ALKBH3: variants seen among roughly 807,000 people sequenced by gnomAD.
ALKBH3 encodes the protein alkB homolog 3, alpha-ketoglutarate dependent dioxygenase, also known as alpha-ketoglutarate-dependent dioxygenase alkB homolog 3.
A neutral mutation model predicts 43.9 loss-of-function variants in ALKBH3; 51 were observed. That is an observed-to-expected ratio of 1.16 (90% CI 0.93 to 1.47). ALKBH3 has a LOEUF of 1.47. Among genes scored for constraint, ALKBH3 ranks in the 40% most tolerant of loss-of-function variants. ALKBH3 has a pLI of 0.00. For missense variants in ALKBH3, 361 were observed against 351.9 expected, an observed-to-expected ratio of 1.03 and a Z score of -0.21; for synonymous variants, 102 against 115.2, an observed-to-expected ratio of 0.89 and a Z score of 0.73.
intron 7 of ALKBH3, 125 bp downstream of exon 7, chr11:43,892,254 G>A (rs1951789228): frequency 1.3e-6 from 1 of 761,138 alleles, no homozygotes; most frequent in Non-Finnish European, 2.1e-6. Flanking sequence ...AACCTCTCTG[G>A]GTTGAAACAT....
At chr11:43,904,614 T>C (rs1297615624) in intron 8 of ALKBH3, among the ~76,000 whole-genome samples, 8 of 152,224 alleles carry the variant, frequency 5.3e-5, no homozygotes, top group Admixed American at 5.2e-4. Context: ...TCTACAAATG[T>C]AGCTAAACTC....
chr11:43,919,015 T>TCAC (rs1952005383), intron 8 of ALKBH3, 23 bp from the exon 9 acceptor site: 1 of 1,572,376 alleles, frequency 6.4e-7, no homozygotes, highest in Non-Finnish European at 8.7e-7. Context: ...AAAACATTTA[T>TCAC]TACAACAAAT....
At chr11:43,911,806 A>G (rs1359900364) in intron 8 of ALKBH3, among the ~76,000 whole-genome samples, 3 of 152,172 alleles carry the variant, frequency 2.0e-5, no homozygotes, top group African/African-American at 7.2e-5. Flanking sequence ...GGAATTGTAC[A>G]TTATCATTCA....
intron 8 of ALKBH3, among the ~76,000 whole-genome samples, chr11:43,911,362 C>T (rs1020499448): frequency 2.6e-5 from 4 of 152,120 alleles, no homozygotes; most frequent in African/African-American, 9.7e-5. Flanking sequence ...AGTGGAGTTG[C>T]TGTTTACTCA....
At chr11:43,898,687 G>T (rs1049258708) in intron 7 of ALKBH3, 1 of 716,752 alleles carries the variant, frequency 1.4e-6, no homozygotes, top group Non-Finnish European at 2.6e-6. Flanking sequence ...GATCATCGAG[G>T]TGGTGAAGGC....
In ALKBH3 at chr11:43,881,105, G is replaced by T. The variant is rs905287887; in HGVS notation, c.-145G>T. On this transcript the variant is annotated 5_prime_UTR_variant, in exon 1 of 10. Coordinates refer to ENST00000302708, the MANE Select transcript of ALKBH3 (RefSeq NM_139178.4). ...ACGACCAAGCTCTTCCACCTGCGGA[G>T]CTCGCTTAGTCTGCACCTCAACCGT... is the stretch of plus-strand genomic sequence containing the variant. The T allele has an allele frequency of 6.6e-6, 1 of 152,594 alleles. No homozygotes were observed. Among genetic ancestry groups the T allele is most frequent in the African/African-American group, 2.4e-5 (1 of 41,492 alleles). 9.5% of individuals were successfully genotyped at this position (152,594 alleles called of 1,614,324 possible).
intron 8 of ALKBH3, among the ~76,000 whole-genome samples, chr11:43,902,590 G>C (rs1344817665): frequency 6.6e-6 from 1 of 152,082 alleles, no homozygotes; most frequent in African/African-American, 2.4e-5. Flanking sequence ...CCAACAGGCT[G>C]TTTTTTTGTT....
At chr11:43,895,822 G>A (rs761974428) in intron 7 of ALKBH3, among the ~76,000 whole-genome samples, 9 of 152,162 alleles carry the variant, frequency 5.9e-5, no homozygotes, top group Non-Finnish European at 1.0e-4. Flanking sequence ...ATCATCATGC[G>A]CTTCCAGTGT....
chr11:43,901,477 T>C (rs1367176425), intron 7 of ALKBH3, 39 bp from the exon 8 acceptor site: 4 of 1,607,328 alleles, frequency 2.5e-6, no homozygotes, highest in Non-Finnish European at 3.4e-6. Context: ...TTGTGTGTAA[T>C]GCGACTGTCT....
chr11:43,909,607 G>T (rs895976221), intron 8 of ALKBH3: 1 of 152,190 alleles, frequency 6.6e-6, no homozygotes, highest in African/African-American at 2.4e-5. Context: ...ATAAATGTAC[G>T]TTTGATCCTC....
chr11:43,883,962 G>A (rs1366954302), intron 3 of ALKBH3, 21 bp from the exon 4 acceptor site: 1 of 1,613,358 alleles, frequency 6.2e-7, no homozygotes, highest in Admixed American at 1.7e-5. Flanking sequence ...CCAGAAGTAA[G>A]ATCCGCCTAT....
chr11:43,906,924 C>A (rs868361694), intron 8 of ALKBH3, among the ~76,000 whole-genome samples: 27 of 152,262 alleles, frequency 1.8e-4, no homozygotes, highest in African/African-American at 6.5e-4. Flanking sequence ...AAGTAATCAA[C>A]AAGTTTTCCC....
intron 6 of ALKBH3, among the ~76,000 whole-genome samples, chr11:43,890,762 G>T (rs916440347): frequency 6.6e-6 from 1 of 152,122 alleles, no homozygotes; most frequent in African/African-American, 2.4e-5. Context: ...TACTCGGGAG[G>T]CTGAGGCAGG....
In ALKBH3 at chr11:43,888,800, A is replaced by C. The variant is rs1034631847; in HGVS notation, c.267-925A>C. The stretch of plus-strand genomic sequence containing the variant: ...TTTGCTACCAAGGCAGTTTAAGAGA[A>C]TCTTCCGTGGGCTTTCAGAAGGTAT... On this transcript the variant is annotated intron_variant, in intron 5 of 9. Transcript: ENST00000302708. Among the ~76,000 whole-genome samples the C allele has an allele frequency of 2.0e-4, 30 of 152,360 alleles. 1 individual carries two copies. Among genetic ancestry groups the C allele is most frequent in the African/African-American group, 7.2e-4 (30 of 41,596 alleles).
At chr11:43,896,375 C>T (rs758711547) in intron 7 of ALKBH3, among the ~76,000 whole-genome samples, 4 of 151,866 alleles carry the variant, frequency 2.6e-5, no homozygotes, top group Non-Finnish European at 4.4e-5. Context: ...GTCTGCAAGC[C>T]GAGGAGCAAG....
rs78399444 is a variant in ALKBH3, at chr11:43,893,327, A to G, written c.459+1198A>G. Among the ~76,000 whole-genome samples, 22 of 152,306 alleles carry G rather than the reference A, an allele frequency of 1.4e-4. No homozygotes were observed. The East Asian group carries it at 4.1e-3, about 28-fold the overall frequency. ...CACCCCTCACCCAGCTGTGACAACCAAAACCAACTCAAGACATTGTTAAAC... is the reference window on the plus strand; with the variant it reads ...CACCCCTCACCCAGCTGTGACAACCGAAACCAACTCAAGACATTGTTAAAC... On this transcript the variant is annotated intron_variant, in intron 7 of 9. Coordinates refer to ENST00000302708, the MANE Select transcript of ALKBH3 (RefSeq NM_139178.4).
chr11:43,920,087 C>T lies in ALKBH3; in HGVS notation c.*77C>T. The T allele has an allele frequency of 1.5e-6, 2 of 1,329,264 alleles. No individual in the cohort carries two copies. Among genetic ancestry groups the T allele is most frequent in the South Asian group, 1.2e-5 (1 of 82,384 alleles). The allele number at this position is 1,329,264 out of a possible 1,614,324, so 82.3% of individuals were successfully genotyped here. A position where few individuals can be genotyped will look rare whatever the true frequency, so the allele number is the denominator to read the frequency against. On this transcript the variant is annotated 3_prime_UTR_variant, in exon 10 of 10. Transcript: ENST00000302708. ...GAGAAGCCACTTCAAGAGGCTGGTG[C>T]TGCTAGATCTCATGATGTGGCTGTT... is the stretch of plus-strand genomic sequence containing the variant.
intron 9 of ALKBH3, 143 bp from the exon 10 acceptor site, chr11:43,919,775 A>G (rs910715352): frequency 7.9e-6 from 6 of 759,940 alleles, no homozygotes; most frequent in Non-Finnish European, 1.3e-5. Flanking sequence ...ACCTTTCTCC[A>G]CAAGACTTCA....
intron 5 of ALKBH3, among the ~76,000 whole-genome samples, 166 bp downstream of exon 5, chr11:43,886,819 T>C (rs1951749898): frequency 6.6e-6 from 1 of 152,226 alleles, no homozygotes; most frequent in African/African-American, 2.4e-5. Context: ...TGGATGGAAC[T>C]AGAGATCTTT....
Sources: gnomAD v4.1 joint callset for allele counts (sites outside exome capture counted in the v4.1 genomes callset) on GRCh38, gnomAD v4.1.1 for gene constraint, MANE v1.5 for transcripts, NCBI Gene and HGNC (gene_info 2026-07-23, HGNC 2026-07-21) for gene names.